Variants in PDE12 observed in about 807,000 individuals in gnomAD.
PDE12 encodes the protein phosphodiesterase 12, also known as 2',5'-phosphodiesterase 12.
In PDE12, 26 loss-of-function variants were observed where a neutral mutation model predicts 45.4. The ratio of observed to expected loss-of-function variants is 0.57; its 90% CI spans 0.42 to 0.79. The LOEUF is 0.79. Ranked by LOEUF, PDE12 falls within the 30% of genes least tolerant of loss-of-function variation. PDE12 has a pLI of 0.00. For missense variants in PDE12, 668 were observed against 790.0 expected (o/e 0.85, Z 1.85); for synonymous variants, 283 against 323.9 (o/e 0.87, Z 1.36).
chr3:57,611,594 CAAA>C, the PDE12 span, among the ~76,000 whole-genome samples: 1 of 152,136 alleles, frequency 6.6e-6, no homozygotes, highest in South Asian at 2.1e-4. Context: ...AGACACTTCT[CAAA>C]AGAAGACATT....
chr3:57,628,401 A>C, the PDE12 span: 5 of 1,560,674 alleles, frequency 3.2e-6, no homozygotes, highest in African/African-American at 4.1e-5. Context: ...GTATTAATAC[A>C]TTACATTCTC....
At chr3:57,650,726 C>G in the PDE12 span, among the ~76,000 whole-genome samples, 2 of 151,900 alleles carry the variant, frequency 1.3e-5, no homozygotes, top group Admixed American at 6.6e-5. Flanking sequence ...AAAGTGTAAA[C>G]CATCCAAACC....
chr3:57,603,893 AT>A, the PDE12 span, among the ~76,000 whole-genome samples: 1 of 150,686 alleles, frequency 6.6e-6, no homozygotes, highest in Admixed American at 6.6e-5. Context: ...AAGTGCTGGG[AT>A]TACAGGCGTG....
At chr3:57,628,062 G>C in the PDE12 span, 1 of 1,148,998 alleles carries the variant, frequency 8.7e-7, no homozygotes, top group Non-Finnish European at 1.2e-6. Context: ...AAAAAGGTCT[G>C]TTTATACAAT....
chr3:57,578,568 C>G, the PDE12 span, among the ~76,000 whole-genome samples: 1 of 151,910 alleles, frequency 6.6e-6, no homozygotes, highest in Non-Finnish European at 1.5e-5. Context: ...CAGCCTTGAC[C>G]CCCTGGGCTC....
chr3:57,597,123 G>A, the PDE12 span: 208 of 1,614,052 alleles, frequency 1.3e-4, no homozygotes, highest in Non-Finnish European at 1.7e-4. Flanking sequence ...AGAAGAGGGA[G>A]GAGATAGTGA....
chr3:57,638,117 G>C, the PDE12 span, among the ~76,000 whole-genome samples: 2 of 151,934 alleles, frequency 1.3e-5, no homozygotes, highest in African/African-American at 4.8e-5. Context: ...CTGGAAGACA[G>C]ACCAAGACTC....
the PDE12 span, among the ~76,000 whole-genome samples, chr3:57,575,884 G>C: frequency 6.6e-6 from 1 of 152,118 alleles, no homozygotes; most frequent in Non-Finnish European, 1.5e-5. Context: ...AGACAGAACT[G>C]TTTTCCAAGT....
At chr3:57,631,884 G>A in the PDE12 span, among the ~76,000 whole-genome samples, 4 of 150,586 alleles carry the variant, frequency 2.7e-5, no homozygotes, top group Non-Finnish European at 5.9e-5. Flanking sequence ...CACCACGCCC[G>A]GCTAATTTTT....
the PDE12 span, among the ~76,000 whole-genome samples, chr3:57,589,422 T>G: frequency 6.6e-6 from 1 of 151,848 alleles, no homozygotes; most frequent in Non-Finnish European, 1.5e-5. Context: ...AGCAAGATCC[T>G]GTCTCAAACA....
the PDE12 span, chr3:57,597,110 G>C: frequency 1.2e-6 from 2 of 1,614,110 alleles, no homozygotes; most frequent in Non-Finnish European, 1.7e-6. Context: ...CCAAATAGTC[G>C]GGAGAAGAGG....
the PDE12 span, among the ~76,000 whole-genome samples, chr3:57,643,419 C>A: frequency 6.6e-6 from 1 of 152,154 alleles, no homozygotes; most frequent in Non-Finnish European, 1.5e-5. Flanking sequence ...CCTCCCCCCA[C>A]AACACACACA....
At chr3:57,596,652 G>A in the PDE12 span, 5 of 187,478 alleles carry the variant, frequency 2.7e-5, no homozygotes, top group South Asian at 1.6e-4. Context: ...AAACGCAGAA[G>A]GGGAGGGAAA....
At chr3:57,599,852 C>CTTTT in the PDE12 span, among the ~76,000 whole-genome samples, 13 of 129,310 alleles carry the variant, frequency 1.0e-4, no homozygotes, top group African/African-American at 1.7e-4. Flanking sequence ...TATTTACACT[C>CTTTT]TTTTTTTTTT....
the PDE12 span, chr3:57,584,259 G>A: frequency 8.2e-6 from 8 of 980,290 alleles, no homozygotes; most frequent in South Asian, 3.2e-5. Context: ...CACCACACCC[G>A]GCCTGTTTTA....
chr3:57,608,955 C>T, the PDE12 span, among the ~76,000 whole-genome samples: 1 of 152,116 alleles, frequency 6.6e-6, no homozygotes, highest in East Asian at 1.9e-4. Context: ...GCACATCACA[C>T]TTATTCCAAA....
the PDE12 span, chr3:57,628,359 A>G: frequency 3.1e-6 from 5 of 1,610,192 alleles, no homozygotes; most frequent in Non-Finnish European, 3.4e-6. Flanking sequence ...CATAAGGAAC[A>G]TTTCATAACA....
chr3:57,611,147 TAATA>T, the PDE12 span, among the ~76,000 whole-genome samples: 1 of 152,154 alleles, frequency 6.6e-6, no homozygotes, highest in Non-Finnish European at 1.5e-5. Flanking sequence ...ATTCCCTATT[TAATA>T]AATGGTGCTG....
chr3:57,633,637 C>T, the PDE12 span, among the ~76,000 whole-genome samples: 1 of 152,104 alleles, frequency 6.6e-6, no homozygotes, highest in African/African-American at 2.4e-5. Flanking sequence ...GTCTGTAATC[C>T]CAACACTTTG....
Sources: gnomAD v4.1 joint callset for allele counts (sites outside exome capture counted in the v4.1 genomes callset) on GRCh38, gnomAD v4.1.1 for gene constraint, MANE v1.5 for transcripts, NCBI Gene and HGNC (gene_info 2026-07-23, HGNC 2026-07-21) for gene names.